The following ZMYM5 variants were observed in gnomAD, a reference collection of about 807,000 sequenced individuals.
The protein encoded by ZMYM5 is zinc finger MYM-type containing 5, also known as zinc finger MYM-type protein 5.
In ZMYM5, 41 loss-of-function variants were observed where a neutral mutation model predicts 61.8. The observed-to-expected ratio is 0.66, with a 90% CI of 0.52 to 0.86. ZMYM5 has a LOEUF of 0.86. ZMYM5 is among the 40% of genes least tolerant of loss of function. The probability of loss-of-function intolerance (pLI) is 0.00; values close to 1 mark genes in which losing one functional copy is unlikely to be tolerated. For synonymous variants in ZMYM5, 257 were observed against 276.4 expected (o/e 0.93, Z 0.70); for missense variants, 706 against 786.7 (o/e 0.90, Z 1.23).
chr13:19,849,559 T>C (rs1953205848), intron 4 of ZMYM5, among the ~76,000 whole-genome samples: 1 of 152,214 alleles, frequency 6.6e-6, no homozygotes. Flanking sequence ...TTCTTCACAG[T>C]GGTCACATTA....
chr13:19,863,175 C>T (rs1953839737), intron 1 of ZMYM5, among the ~76,000 whole-genome samples: 2 of 151,662 alleles, frequency 1.3e-5, no homozygotes, highest in Admixed American at 6.6e-5. Context: ...CGCGACCTCC[C>T]CGGGCGGCCG....
chr13:19,860,935 C>CGTGTGTGT (rs10690639), intron 2 of ZMYM5, among the ~76,000 whole-genome samples: 66 of 136,858 alleles, frequency 4.8e-4, no homozygotes, highest in East Asian at 1.8e-3. Context: ...TATATGCGCA[C>CGTGTGTGT]GTGTGTGTGT....
intron 2 of ZMYM5, among the ~76,000 whole-genome samples, chr13:19,857,574 C>A (rs7330739): frequency 0.012 from 1,766 of 152,250 alleles, 35 homozygotes; most frequent in African/African-American, 0.039. Context: ...AGAATTACTG[C>A]AGGAACTAGG....
At chr13:19,842,483 G>C (rs915557745) in intron 4 of ZMYM5, among the ~76,000 whole-genome samples, 1 of 151,664 alleles carries the variant, frequency 6.6e-6, no homozygotes, top group South Asian at 2.1e-4. Flanking sequence ...AAAGCTTCCT[G>C]GTAAAACCTA....
Position 19,824,943 on chromosome 13 carries a change from G to A in ZMYM5, c.1544C>T (p.Pro515Leu). The A allele has an allele frequency of 7.3e-7, 1 of 1,364,280 alleles. No individual in the cohort carries two copies. The highest frequency in any genetic ancestry group is 9.8e-7 in the Non-Finnish European group (1 of 1,020,168). The allele number at this position is 1,364,280 out of a possible 1,614,324, so 84.5% of individuals were successfully genotyped here. A position where few individuals can be genotyped will look rare whatever the true frequency, so the allele number is the denominator to read the frequency against. ...EEKNFEDSIV[P>L]VVLSADPGTW... The stretch of plus-strand genomic sequence containing the variant: ...ACCTGGATCTGCGGAAAGCACAACT[G>A]GTACAATGGAGTCTTCAAAATTTTT... Residue 515 changes from proline (P) to leucine (L), a missense_variant, in exon 8 of 8, where the codon CCA becomes CTA. By Grantham distance (98) the Pro-to-Leu change is moderately conservative. Coordinates refer to ENST00000337963, the MANE Select transcript of ZMYM5 (RefSeq NM_001142684.2).
At chr13:19,831,071 C>T (rs886291287) in intron 7 of ZMYM5, among the ~76,000 whole-genome samples, 1 of 151,674 alleles carries the variant, frequency 6.6e-6, no homozygotes. Context: ...GATCTCCTGA[C>T]CCGCCTTGGC....
At chr13:19,841,121 C>T (rs111934274) in intron 4 of ZMYM5, among the ~76,000 whole-genome samples, 59 of 151,878 alleles carry the variant, frequency 3.9e-4, no homozygotes, top group African/African-American at 1.4e-3. Context: ...CACGCCACCA[C>T]ACCTGGCTAA....
intron 4 of ZMYM5, 34 bp from the exon 5 acceptor site, chr13:19,839,019 A>C (rs879220591): frequency 6.3e-7 from 1 of 1,590,460 alleles, no homozygotes; most frequent in African/African-American, 1.4e-5. Flanking sequence ...ATCATGGAAC[A>C]AATCAAAATG....
chr13:19,848,137 A>AT lies in ZMYM5; in HGVS notation c.586+3217dup, dbSNP rs1028633960. On this transcript the variant is annotated intron_variant, in intron 4 of 7. Transcript: ENST00000337963. ...AGGAGCATGCCACCATACCCAGCTA[A>AT]TTTTTTTTTGTTGTTTTTTGTATTT... Among the ~76,000 whole-genome samples, 166 of 150,476 alleles carry AT rather than the reference A, an allele frequency of 1.1e-3. 1 individual carries two copies. The highest frequency in any genetic ancestry group is 1.9e-3 in the South Asian group (9 of 4,730).
In ZMYM5 at chr13:19,838,764, T is replaced by C. The variant is rs1952757751; in HGVS notation, c.808A>G (p.Thr270Ala). ...RKGSAHLFCS[T>A]TCLSSFSHKR... Reference sequence around the variant, plus strand: ...TGAGAGAAGGAAGAAAGGCAGGTGGTAGAGCAAAAGAGGTGAGCTGATCCT... The same window carrying C: ...TGAGAGAAGGAAGAAAGGCAGGTGGCAGAGCAAAAGAGGTGAGCTGATCCT... The change falls in exon 5 of 8, where the codon ACC becomes GCC. Residue 270 changes from threonine to alanine, a missense_variant. Physicochemically the swap from Thr to Ala is moderately conservative, Grantham distance 58. This residue lies in a region of ZMYM5 where 480 missense variants were observed against 461.7 expected (regional missense o/e 1.04). Transcript: ENST00000337963. The C allele has an allele frequency of 1.9e-6, 3 of 1,614,100 alleles. No individual in the cohort carries two copies. Among genetic ancestry groups the C allele is most frequent in the South Asian group, 1.1e-5 (1 of 91,090 alleles).
intron 2 of ZMYM5, among the ~76,000 whole-genome samples, chr13:19,853,053 C>T (rs1033094956): frequency 3.3e-5 from 5 of 152,184 alleles, no homozygotes; most frequent in Admixed American, 6.6e-5. Flanking sequence ...GGTCTCACTA[C>T]ATTGCCCAGG....
chr13:19,849,084 G>A (rs1050231674), intron 4 of ZMYM5, among the ~76,000 whole-genome samples: 1 of 152,122 alleles, frequency 6.6e-6, no homozygotes, highest in African/African-American at 2.4e-5. Flanking sequence ...ATACATAGGG[G>A]AATGAGTACT....
chr13:19,838,326 G>A (rs1291690235), intron 5 of ZMYM5, among the ~76,000 whole-genome samples: 1 of 152,054 alleles, frequency 6.6e-6, no homozygotes, highest in African/African-American at 2.4e-5. Flanking sequence ...TGCAGTGAGT[G>A]GAAATCGTGC....
intron 7 of ZMYM5, among the ~76,000 whole-genome samples, chr13:19,829,743 C>T (rs778206265): frequency 2.6e-5 from 4 of 152,168 alleles, no homozygotes; most frequent in Non-Finnish European, 4.4e-5. Flanking sequence ...TGTAGGTGCA[C>T]ACCACCATGC....
chr13:19,845,299 T>C (rs1484015224), intron 4 of ZMYM5, among the ~76,000 whole-genome samples: 3 of 152,212 alleles, frequency 2.0e-5, no homozygotes, highest in Non-Finnish European at 4.4e-5. Context: ...AAGTCAACTA[T>C]TTCCATAGTA....
chr13:19,837,596 CTTAAAAG>C (rs774635306), intron 6 of ZMYM5, 53 bp downstream of exon 6: 242 of 1,605,570 alleles, frequency 1.5e-4, no homozygotes, highest in Non-Finnish European at 1.9e-4. Flanking sequence ...CATAATAGCA[CTTAAAAG>C]TTAAAATTAT....
intron 7 of ZMYM5, among the ~76,000 whole-genome samples, chr13:19,833,778 C>G (rs971687629): frequency 6.6e-6 from 1 of 152,126 alleles, no homozygotes; most frequent in Non-Finnish European, 1.5e-5. Flanking sequence ...AAATCTTGTA[C>G]TTTTCAAAAG....
In ZMYM5 at chr13:19,829,836, CT is replaced by C. The variant is rs532737923; in HGVS notation, c.1252-4602del. ...ACTTGTTTGTATCACTATTTACTGA[CT>C]TTTTTTTCCTCCCAGCTTTAGGTAT... On this transcript the variant is annotated intron_variant, in intron 7 of 7. Coordinates refer to ENST00000337963, the MANE Select transcript of ZMYM5 (RefSeq NM_001142684.2). Among the ~76,000 whole-genome samples, 11 of 152,152 alleles carry C rather than the reference CT, an allele frequency of 7.2e-5. No homozygotes were observed. The South Asian group carries it at 1.9e-3, about 26-fold the overall frequency.
At chr13:19,828,832 A>T (rs1033776629) in intron 7 of ZMYM5, among the ~76,000 whole-genome samples, 12 of 152,180 alleles carry the variant, frequency 7.9e-5, no homozygotes, top group Admixed American at 3.9e-4. Flanking sequence ...TCATTTACTG[A>T]TATGGGAAAC....
Sources: gnomAD v4.1 joint callset for allele counts (sites outside exome capture counted in the v4.1 genomes callset) on GRCh38, gnomAD v4.1.1 for gene constraint, gnomAD v4.1.1 regional missense constraint, MANE v1.5 for transcripts, NCBI Gene and HGNC (gene_info 2026-07-23, HGNC 2026-07-21) for gene names.